IMMP2L: variants seen among roughly 807,000 people sequenced by gnomAD.
The protein encoded by IMMP2L is mitochondrial inner membrane protease subunit 2.
A neutral mutation model predicts 19.3 loss-of-function variants in IMMP2L; 18 were observed. The observed-to-expected ratio is 0.93, with a 90% CI of 0.64 to 1.38. The LOEUF (loss-of-function observed/expected upper bound fraction) is 1.38. Among genes scored for constraint, IMMP2L ranks in the 40% most tolerant of loss-of-function variants. The pLI, the probability that IMMP2L is intolerant of heterozygous loss-of-function variation, is 0.00. For synonymous variants in IMMP2L, 76 were observed against 73.0 expected, an observed-to-expected ratio of 1.04 and a Z score of -0.21; for missense variants, 233 against 218.2, an observed-to-expected ratio of 1.07 and a Z score of -0.43.
intron 3 of IMMP2L, among the ~76,000 whole-genome samples, chr7:111,233,645 T>G (rs1813961838): frequency 1.3e-5 from 2 of 152,126 alleles, no homozygotes; most frequent in African/African-American, 4.8e-5. Context: ...AAGTACAGAT[T>G]TGTAAGTATA....
chr7:110,761,408 G>A (rs1798342872), intron 5 of IMMP2L, among the ~76,000 whole-genome samples: 1 of 152,072 alleles, frequency 6.6e-6, no homozygotes, highest in South Asian at 2.1e-4. Flanking sequence ...TAGTACTAGG[G>A]TGGAATTAAT....
At chr7:111,482,939 A>C (rs1387464897) in intron 3 of IMMP2L, among the ~76,000 whole-genome samples, 1 of 152,166 alleles carries the variant, frequency 6.6e-6, no homozygotes, top group Non-Finnish European at 1.5e-5. Context: ...GCATATACTG[A>C]AGGTGACTAA....
rs1482538703 is a variant in IMMP2L, at chr7:111,281,186, GAA to G, written c.239+206050_239+206051del. Among the ~76,000 whole-genome samples the G allele has an allele frequency of 6.0e-4, 43 of 71,422 alleles. 2 individuals carry two copies. Among genetic ancestry groups the G allele is most frequent in the African/African-American group, 2.0e-3 (34 of 16,960 alleles). 46.9% of individuals were successfully genotyped at this position (71,422 alleles called of 152,430 possible). Reference sequence around the variant, plus strand: ...AGAAAGAAAGAAAGAAAGAAAGAAAGAAAGAAAGAAAGAAAGAAAGAAAGAAA... The same window carrying G: ...AGAAAGAAAGAAAGAAAGAAAGAAAGAGAAAGAAAGAAAGAAAGAAAGAAA... On this transcript the variant is annotated intron_variant, in intron 3 of 5. Coordinates refer to ENST00000405709, the MANE Select transcript of IMMP2L (RefSeq NM_032549.4).
At chr7:111,551,843 A>C (rs1790690807) in intron 1 of IMMP2L, among the ~76,000 whole-genome samples, 1 of 152,146 alleles carries the variant, frequency 6.6e-6, no homozygotes, top group African/African-American at 2.4e-5. Flanking sequence ...AAAGACACTG[A>C]ATAGGAGGAA....
chr7:110,742,768 CAA>C (rs35558488), intron 5 of IMMP2L, among the ~76,000 whole-genome samples: 29,034 of 121,844 alleles, frequency 0.24, 2,866 homozygotes, highest in South Asian at 0.35. Flanking sequence ...AACTCCGTCT[CAA>C]AAAAAAAAAA....
At chr7:111,206,210 G>T (rs188507094) in intron 3 of IMMP2L, among the ~76,000 whole-genome samples, 11 of 151,896 alleles carry the variant, frequency 7.2e-5, no homozygotes, top group African/African-American at 2.7e-4. Flanking sequence ...TTTTCATTAC[G>T]TCTCCCTTAG....
chr7:110,811,587 T>C (rs748747044), intron 5 of IMMP2L, among the ~76,000 whole-genome samples: 6 of 152,120 alleles, frequency 3.9e-5, no homozygotes, highest in Non-Finnish European at 7.4e-5. Context: ...TTAGCTTCTA[T>C]AGCAATTTAA....
chr7:110,915,468 G>A (rs1171274918), intron 4 of IMMP2L, among the ~76,000 whole-genome samples: 1 of 152,082 alleles, frequency 6.6e-6, no homozygotes, highest in Non-Finnish European at 1.5e-5. Flanking sequence ...GAGGGTGGGG[G>A]AAATGGGGAG....
chr7:110,975,038 T>A (rs1820543318), intron 3 of IMMP2L, among the ~76,000 whole-genome samples: 1 of 152,108 alleles, frequency 6.6e-6, no homozygotes, highest in South Asian at 2.1e-4. Context: ...TCCTGGAGCA[T>A]CTTATTTCAT....
chr7:110,756,859 T>C (rs541221053), intron 5 of IMMP2L, among the ~76,000 whole-genome samples: 20 of 152,046 alleles, frequency 1.3e-4, no homozygotes, highest in Non-Finnish European at 2.5e-4. Flanking sequence ...AAGAGAGGAT[T>C]TCAGGCTGTG....
chr7:111,020,602 A>G (rs1035229943), intron 3 of IMMP2L, among the ~76,000 whole-genome samples: 3 of 152,064 alleles, frequency 2.0e-5, no homozygotes, highest in Non-Finnish European at 2.9e-5. Context: ...TCTCCACCAA[A>G]AACACAAAAT....
chr7:110,962,889 C>T (rs1243770671), intron 4 of IMMP2L: 1 of 1,317,894 alleles, frequency 7.6e-7, no homozygotes, highest in African/African-American at 1.5e-5. Flanking sequence ...AGAAAGCGAT[C>T]ACAATGAGAC....
chr7:110,883,424 A>T (rs1809895569), intron 5 of IMMP2L, among the ~76,000 whole-genome samples: 1 of 152,192 alleles, frequency 6.6e-6, no homozygotes, highest in Admixed American at 6.5e-5. Context: ...CTAATAAGGT[A>T]TCAATGAAAA....
chr7:111,352,964 C>G (rs994597117), intron 3 of IMMP2L, among the ~76,000 whole-genome samples: 2 of 152,144 alleles, frequency 1.3e-5, no homozygotes, highest in African/African-American at 4.8e-5. Context: ...GTCTCAACTG[C>G]CTTCCTGGGC....
chr7:111,436,867 G>T (rs1304513277), intron 3 of IMMP2L, among the ~76,000 whole-genome samples: 1 of 151,854 alleles, frequency 6.6e-6, no homozygotes, highest in Non-Finnish European at 1.5e-5. Flanking sequence ...ATGGCAGAAG[G>T]TGAAGGGGGT....
At position 111,029,366 on chromosome 7, in the gene IMMP2L, C is replaced by G. The variant is rs139490778; in HGVS notation, c.240-65801G>C. 1.6e-4 allele frequency among the ~76,000 whole-genome samples: 24 copies of G among 152,118 alleles called. No homozygotes were observed. In the East Asian group the frequency reaches 4.1e-3, roughly 26 times the overall value. ...CAAAGTGCTCTTGTGGGTGGTTGGGCCCTCTAGGGAAGTACTCTCTCCATA... is the reference window on the plus strand; with the variant it reads ...CAAAGTGCTCTTGTGGGTGGTTGGGGCCTCTAGGGAAGTACTCTCTCCATA... On this transcript the variant is annotated intron_variant, in intron 3 of 5. Transcript: ENST00000405709.
At chr7:111,384,908 A>T (rs1831581557) in intron 3 of IMMP2L, among the ~76,000 whole-genome samples, 1 of 152,198 alleles carries the variant, frequency 6.6e-6, no homozygotes, top group Non-Finnish European at 1.5e-5. Context: ...AAAACACCTT[A>T]TAAAGTATAT....
At chr7:110,954,514 G>C (rs1455457533) in intron 4 of IMMP2L, among the ~76,000 whole-genome samples, 1 of 152,022 alleles carries the variant, frequency 6.6e-6, no homozygotes, top group African/African-American at 2.4e-5. Context: ...GATACTTACT[G>C]AACACATTTA....
intron 3 of IMMP2L, among the ~76,000 whole-genome samples, chr7:111,230,207 G>A (rs1813568864): frequency 6.6e-6 from 1 of 152,018 alleles, no homozygotes; most frequent in South Asian, 2.1e-4. Context: ...GGGGAAGTTA[G>A]TGCTCAGCAT....
Sources: gnomAD v4.1 joint callset for allele counts (sites outside exome capture counted in the v4.1 genomes callset) on GRCh38, gnomAD v4.1.1 for gene constraint, MANE v1.5 for transcripts, NCBI Gene and HGNC (gene_info 2026-07-23, HGNC 2026-07-21) for gene names.